Variants in GPR158 observed in about 807,000 individuals in gnomAD.
GPR158 encodes G protein-coupled receptor 158.
GPR158 carries 30 observed loss-of-function variants against 78.2 expected under a neutral mutation model. The observed-to-expected ratio is 0.38, with a 90% CI of 0.29 to 0.52. GPR158 has a LOEUF of 0.52. Ranked by LOEUF, GPR158 falls within the 20% of genes least tolerant of loss-of-function variation. GPR158 has a pLI of 0.83. For synonymous variants in GPR158, 581 were observed against 591.1 expected (o/e 0.98, Z 0.25); for missense variants, 1,463 against 1,523.5 (o/e 0.96, Z 0.66).
rs768253273 is a variant in GPR158, at chr10:25,572,905, T to TCGTATGATGGTCTTA, written c.1753+20_1753+34dup. On this transcript the variant is annotated intron_variant, in intron 7 of 10. Transcript: ENST00000376351. The stretch of plus-strand genomic sequence containing the variant: ...AGCAGTTGGTATGTGGTCACTTGTT[T>TCGTATGATGGTCTTA]CGTATGATGGTCTTACCATTTTTCA... 8.0e-6 allele frequency: 11 copies of TCGTATGATGGTCTTA among 1,374,730 alleles called. No homozygotes were observed. In the South Asian group the frequency reaches 1.3e-4, roughly 16 times the overall value. 85.2% of individuals were successfully genotyped at this position (1,374,730 alleles called of 1,614,324 possible).
At chr10:25,479,706 C>T (rs1423395979) in intron 5 of GPR158, among the ~76,000 whole-genome samples, 13 of 152,214 alleles carry the variant, frequency 8.5e-5, no homozygotes, top group East Asian at 1.9e-4. Flanking sequence ...TGAGCCACCA[C>T]GCCCGGCCTG....
intron 4 of GPR158, among the ~76,000 whole-genome samples, chr10:25,420,618 C>A (rs1017459497): frequency 1.6e-4 from 25 of 152,094 alleles, no homozygotes; most frequent in African/African-American, 5.6e-4. Flanking sequence ...GGTCTTTAAT[C>A]CATTTTGAGT....
chr10:25,577,299 G>A (rs958258215), intron 7 of GPR158, among the ~76,000 whole-genome samples: 1 of 152,096 alleles, frequency 6.6e-6, no homozygotes, highest in African/African-American at 2.4e-5. Context: ...TTATTTCCTG[G>A]ATCCTAAGAG....
rs1468388690 is a variant in GPR158 at position 25,248,227 on chromosome 10, G to T, written c.1008+27070G>T. On this transcript the variant is annotated intron_variant, in intron 2 of 10. Coordinates refer to ENST00000376351, the MANE Select transcript of GPR158 (RefSeq NM_020752.3). ...GATTCTGGATATTAGCCCTTTGTCA[G>T]ATGAGTAGGTTGTGAAAATTTTCTC... is the stretch of plus-strand genomic sequence containing the variant. Among the ~76,000 whole-genome samples the T allele has an allele frequency of 5.3e-5, 8 of 151,824 alleles. No homozygotes were observed. In the East Asian group the frequency reaches 5.8e-4, roughly 11 times the overall value.
intron 2 of GPR158, among the ~76,000 whole-genome samples, chr10:25,278,610 G>A (rs1301419723): frequency 2.0e-5 from 3 of 151,910 alleles, no homozygotes; most frequent in Non-Finnish European, 4.4e-5. Flanking sequence ...ATACTGAGAT[G>A]TATTGTAAAA....
intron 4 of GPR158, among the ~76,000 whole-genome samples, chr10:25,416,453 T>C (rs149629267): frequency 1.4e-3 from 215 of 152,288 alleles, no homozygotes; most frequent in Non-Finnish European, 2.5e-3. Flanking sequence ...TACCTACTTA[T>C]TGATATTACT....
chr10:25,454,951 A>G (rs902020717), intron 4 of GPR158, among the ~76,000 whole-genome samples: 2 of 152,190 alleles, frequency 1.3e-5, no homozygotes, highest in Non-Finnish European at 2.9e-5. Context: ...TCATTTATTT[A>G]GTAAGGCAGT....
intron 4 of GPR158, among the ~76,000 whole-genome samples, chr10:25,425,382 A>C (rs1958947): frequency 0.12 from 17,566 of 151,956 alleles, 1,055 homozygotes; most frequent in East Asian, 0.17. Flanking sequence ...CAGGAGTGAA[A>C]GTGGTATCAC....
At chr10:25,484,711 T>C (rs569849899) in intron 5 of GPR158, among the ~76,000 whole-genome samples, 1 of 152,308 alleles carries the variant, frequency 6.6e-6, no homozygotes. Flanking sequence ...TCTCTTTCTA[T>C]AGTTAATGTC....
Position 25,294,772 on chromosome 10 carries a change from G to A in GPR158, c.1008+73615G>A, listed in dbSNP as rs80066025. On this transcript the variant is annotated intron_variant, in intron 2 of 10. Coordinates refer to ENST00000376351, the MANE Select transcript of GPR158 (RefSeq NM_020752.3). Reference sequence around the variant, plus strand: ...TTCTTTGCCTCCTAAGAGCATGGAAGCTCTTAGGCATTGATACTCTGTTTG... The same window carrying A: ...TTCTTTGCCTCCTAAGAGCATGGAAACTCTTAGGCATTGATACTCTGTTTG... Among the ~76,000 whole-genome samples, 5 of 69,100 alleles carry A rather than the reference G, an allele frequency of 7.2e-5. No homozygotes were observed. In the East Asian group the frequency reaches 9.5e-4, roughly 13 times the overall value. The allele number at this position is 69,100 out of a possible 152,430, so 45.3% of individuals were successfully genotyped here.
intron 2 of GPR158, among the ~76,000 whole-genome samples, chr10:25,245,756 A>G (rs1247866923): frequency 6.6e-6 from 1 of 152,220 alleles, no homozygotes; most frequent in Admixed American, 6.5e-5. Context: ...TGTGTTTCCA[A>G]CATAATCTTT....
At chr10:25,233,405 T>A (rs1358197002) in intron 2 of GPR158, among the ~76,000 whole-genome samples, 1 of 152,202 alleles carries the variant, frequency 6.6e-6, no homozygotes, top group Non-Finnish European at 1.5e-5. Flanking sequence ...TGCTGGTGGT[T>A]ACAATTTCAT....
intron 2 of GPR158, among the ~76,000 whole-genome samples, chr10:25,380,572 A>G (rs923444676): frequency 6.6e-6 from 1 of 152,122 alleles, no homozygotes; most frequent in East Asian, 1.9e-4. Context: ...ACAATTACTT[A>G]GTTGTAAGTT....
chr10:25,295,039 AGAT>A (rs1854492668), intron 2 of GPR158, among the ~76,000 whole-genome samples: 1 of 150,412 alleles, frequency 6.6e-6, no homozygotes, highest in African/African-American at 2.5e-5. Context: ...TTTCATTAGG[AGAT>A]TTTCTTTACC....
At chr10:25,268,595 C>A (rs993916447) in intron 2 of GPR158, among the ~76,000 whole-genome samples, 1 of 152,086 alleles carries the variant, frequency 6.6e-6, no homozygotes, top group Admixed American at 6.6e-5. Flanking sequence ...CAGTGAGAGA[C>A]TTGGGAGGTA....
chr10:25,224,299 T>C (rs1453285169), intron 2 of GPR158, among the ~76,000 whole-genome samples: 3 of 151,974 alleles, frequency 2.0e-5, no homozygotes, highest in Admixed American at 1.3e-4. Flanking sequence ...GTAGGAAATA[T>C]TAGGAGAGTA....
At chr10:25,471,774 C>G (rs1835507246) in intron 5 of GPR158, among the ~76,000 whole-genome samples, 1 of 152,166 alleles carries the variant, frequency 6.6e-6, no homozygotes, top group South Asian at 2.1e-4. Flanking sequence ...TGAGAAGTGT[C>G]TGTTCATATC....
chr10:25,442,187 A>G (rs926195671), intron 4 of GPR158, among the ~76,000 whole-genome samples: 2 of 151,118 alleles, frequency 1.3e-5, no homozygotes, highest in Admixed American at 6.6e-5. Context: ...AAAAGCTACA[A>G]GAACAGAAAG....
chr10:25,419,661 TTTGTTGTTG>T (rs554254283), intron 4 of GPR158, among the ~76,000 whole-genome samples: 1 of 152,036 alleles, frequency 6.6e-6, no homozygotes, highest in African/African-American at 2.4e-5. Context: ...TTTCTGTTGT[TTTGTTGTTG>T]TTGTTGTTGT....
Sources: allele counts gnomAD v4.1 joint callset (sites outside exome capture counted in the v4.1 genomes callset), GRCh38; gene constraint gnomAD v4.1.1; transcripts MANE v1.5; gene names NCBI Gene and HGNC (gene_info 2026-07-23, HGNC 2026-07-21).